EXPH5: variants seen among roughly 807,000 people sequenced by gnomAD.
EXPH5 encodes exophilin 5.
A neutral mutation model predicts 41.1 loss-of-function variants in EXPH5; 42 were observed. The observed-to-expected ratio is 1.02, with a 90% CI of 0.80 to 1.32. EXPH5 has a LOEUF of 1.32. EXPH5 is among the 40% of genes most tolerant of loss of function. EXPH5 has a pLI of 0.00. For missense variants in EXPH5, 2,298 were observed against 2,314.5 expected (o/e 0.99, Z 0.15); for synonymous variants, 798 against 833.5 (o/e 0.96, Z 0.73).
chr11:108,598,568 G>C (rs1438917216), upstream of EXPH5, among the ~76,000 whole-genome samples: 1 of 152,140 alleles, frequency 6.6e-6, no homozygotes, highest in Non-Finnish European at 1.5e-5. Context: ...AGTCTGAAGA[G>C]GAGGGGATAA....
intron 5 of EXPH5, among the ~76,000 whole-genome samples, chr11:108,516,875 A>C (rs2093730127): frequency 6.6e-6 from 1 of 152,218 alleles, no homozygotes; most frequent in South Asian, 2.1e-4. Context: ...ATAATCAAGC[A>C]ATGCTGAAGT....
the EXPH5 span, among the ~76,000 whole-genome samples, chr11:108,602,608 C>T: frequency 6.6e-6 from 1 of 151,678 alleles, no homozygotes; most frequent in Non-Finnish European, 1.5e-5. Context: ...GTACAGTGGC[C>T]AGATCACAGC....
the EXPH5 span, among the ~76,000 whole-genome samples, chr11:108,600,718 G>A: frequency 6.6e-6 from 1 of 152,092 alleles, no homozygotes; most frequent in Non-Finnish European, 1.5e-5. Flanking sequence ...TGCTGTATTA[G>A]TCATTTGTTC....
chr11:108,532,338 G>GGA lies in EXPH5; in HGVS notation c.444-4156_444-4155dup, dbSNP rs1160310505. Among the ~76,000 whole-genome samples the GGA allele has an allele frequency of 3.1e-3, 67 of 21,870 alleles. 1 individual carries two copies. Among genetic ancestry groups the GGA allele is most frequent in the African/African-American group, 0.012 (63 of 5,206 alleles). 14.3% of individuals were successfully genotyped at this position (21,870 alleles called of 152,430 possible). A position where few individuals can be genotyped will look rare whatever the true frequency, so the allele number is the denominator to read the frequency against. On this transcript the variant is annotated intron_variant, in intron 3 of 5. Coordinates refer to ENST00000265843, the MANE Select transcript of EXPH5 (RefSeq NM_015065.3). The stretch of plus-strand genomic sequence containing the variant: ...GACTACTGGTGTGCACCACCACACT[G>GGA]GATATATATATATATATATATATAT...
chr11:108,541,868 C>T, intron 1 of EXPH5, 56 bp from the exon 2 acceptor site: 3 of 1,389,574 alleles, frequency 2.2e-6, no homozygotes, highest in Non-Finnish European at 2.9e-6. Context: ...ACATCAAGCT[C>T]ATCCTTAAAT....
Position 108,509,602 on chromosome 11 carries a change from C to A in EXPH5, c.5905G>T (p.Asp1969Tyr), listed in dbSNP as rs762635762. 1 of 1,605,126 alleles carries A rather than the reference C, an allele frequency of 6.2e-7. No individual in the cohort carries two copies. Among genetic ancestry groups the A allele is most frequent in the African/African-American group, 1.3e-5 (1 of 74,474 alleles). ...YEDDPVDSDC[D>Y]TDTTTDDEYY... is the part of the protein sequence containing the mutation. ...TCATCATCTGTGGTTGTGTCTGTGT[C>A]ACAATCTGAGTCCACTGGGTCATCC... Residue 1969 changes from aspartate (D) to tyrosine (Y), a missense_variant, in exon 6 of 6, where the codon GAC becomes TAC. Transcript: ENST00000265843.
At chr11:108,589,915 T>C (rs1467748141) in intron 1 of EXPH5, among the ~76,000 whole-genome samples, 1 of 152,230 alleles carries the variant, frequency 6.6e-6, no homozygotes, top group Non-Finnish European at 1.5e-5. Flanking sequence ...TAATTAAATC[T>C]GTATAACATG....
chr11:108,540,082 C>A (rs1398614100), intron 2 of EXPH5, among the ~76,000 whole-genome samples: 1 of 152,108 alleles, frequency 6.6e-6, no homozygotes, highest in African/African-American at 2.4e-5. Context: ...CTTTGGGAGG[C>A]TGAGGTGGGC....
At position 108,518,383 on chromosome 11, in the gene EXPH5, A is replaced by G. The variant is rs768182707; in HGVS notation, c.493-10T>C. On this transcript the variant is annotated splice_polypyrimidine_tract_variant and intron_variant, in intron 4 of 5. Coordinates refer to ENST00000265843, the MANE Select transcript of EXPH5 (RefSeq NM_015065.3). Reference sequence around the variant, plus strand: ...TGTATATTTTTGCCTGCTAATTTTAAAGCAGAGAACACAATATTATTTCTG... The same window carrying G: ...TGTATATTTTTGCCTGCTAATTTTAGAGCAGAGAACACAATATTATTTCTG... The G allele has an allele frequency of 3.7e-6, 6 of 1,613,048 alleles. No homozygotes were observed. Among genetic ancestry groups the G allele is most frequent in the Non-Finnish European group, 5.1e-6 (6 of 1,179,514 alleles).
rs751304125 is a variant in EXPH5 at position 108,514,074 on chromosome 11, C to T, written c.1433G>A (p.Gly478Asp). ...TCCTTTCTCTTGGCCCCAAAAAGGA[C>T]CTTGTCCAAATCTCCTCTGTTCTCC... Reference protein sequence around the residue: ...RSGEQRRFGQGPFWGQEKGHS... With the variant: ...RSGEQRRFGQDPFWGQEKGHS... The change falls in exon 6 of 6, where the codon GGT (glycine) becomes GAT (aspartate). Residue 478 changes from glycine (G) to aspartate (D), a missense_variant. By Grantham distance (94) the Gly-to-Asp change is moderately conservative (BLOSUM62 -1). Transcript: ENST00000265843. 1.9e-6 allele frequency: 3 copies of T among 1,614,048 alleles called. No individual in the cohort carries two copies. The highest frequency in any genetic ancestry group is 1.7e-6 in the Non-Finnish European group (2 of 1,179,984).
chr11:108,515,888 T>G (rs1181532132), intron 5 of EXPH5, among the ~76,000 whole-genome samples: 2 of 151,894 alleles, frequency 1.3e-5, no homozygotes, highest in South Asian at 2.1e-4. Context: ...CTGGCTAACA[T>G]GGTGAAACCC....
chr11:108,597,117 T>G (rs1197186527), upstream of EXPH5, among the ~76,000 whole-genome samples: 1 of 152,018 alleles, frequency 6.6e-6, no homozygotes, highest in Non-Finnish European at 1.5e-5. Context: ...CCACAGGGCT[T>G]AGTTTTTTCC....
intron 1 of EXPH5, among the ~76,000 whole-genome samples, chr11:108,579,407 C>G (rs2094090821): frequency 6.6e-6 from 1 of 151,904 alleles, no homozygotes; most frequent in Admixed American, 6.6e-5. Context: ...TTGTTGAATT[C>G]AGTTTGCTAG....
In EXPH5 at chr11:108,513,431, G is replaced by C. The variant is rs1262686279; in HGVS notation, c.2076C>G (p.Ile692Met). 6.2e-7 allele frequency: 1 copy of C among 1,613,278 alleles called. No homozygotes were observed. The highest frequency in any genetic ancestry group is 1.3e-5 in the African/African-American group (1 of 74,858). The part of the protein sequence containing the change: ...SLPLAKSQPN[I>M]LVTEVNNEKD... ...TCTCATTATTTACTTCTGTGACCAA[G>C]ATATTGGGCTGGCTTTTGGCAAGAG... Residue 692 changes from isoleucine (I) to methionine (M), a missense_variant, in exon 6 of 6, where the codon ATC becomes ATG. Coordinates refer to ENST00000265843, the MANE Select transcript of EXPH5 (RefSeq NM_015065.3).
chr11:108,541,525 G>T, intron 2 of EXPH5, 127 bp downstream of exon 2: 6 of 543,718 alleles, frequency 1.1e-5, no homozygotes, highest in South Asian at 3.4e-5. Context: ...ATAAACTTTT[G>T]TGGCTTATGA....
At chr11:108,514,935 G>C in intron 5 of EXPH5, 60 bp from the exon 6 acceptor site, 2 of 1,169,046 alleles carry the variant, frequency 1.7e-6, no homozygotes, top group Non-Finnish European at 2.3e-6. Context: ...ATAATAATTT[G>C]AGTTATTGAA....
chr11:108,553,206 T>A (rs1028483254), intron 1 of EXPH5, among the ~76,000 whole-genome samples: 4 of 151,834 alleles, frequency 2.6e-5, no homozygotes, highest in African/African-American at 9.7e-5. Flanking sequence ...CTAAAAAAAA[T>A]AAAATAAAAT....
rs573838311 is a variant in EXPH5, at chr11:108,543,170, T to A, written c.120-1358A>T. On this transcript the variant is annotated intron_variant, in intron 1 of 5. Coordinates refer to ENST00000265843, the MANE Select transcript of EXPH5 (RefSeq NM_015065.3). ...GCGCACAAATGTGTCTGCCCCATAA[T>A]GTCAGAACATGTGGCCTGAAATCCT... Among the ~76,000 whole-genome samples, 7 of 152,352 alleles carry A rather than the reference T, an allele frequency of 4.6e-5. No individual in the cohort carries two copies. The South Asian group carries it at 1.5e-3, about 32-fold the overall frequency.
At chr11:108,595,404 G>A (rs529789400), upstream of EXPH5, among the ~76,000 whole-genome samples, 1 of 152,356 alleles carries the variant, frequency 6.6e-6, no homozygotes, top group South Asian at 2.1e-4. Context: ...AAGAAATAGG[G>A]GGTGGTGGGA....
Sources: gnomAD v4.1 joint callset for allele counts (sites outside exome capture counted in the v4.1 genomes callset) on GRCh38, gnomAD v4.1.1 for gene constraint, MANE v1.5 for transcripts, NCBI Gene and HGNC (gene_info 2026-07-23, HGNC 2026-07-21) for gene names.